The following OSBPL8 variants were observed in gnomAD, a reference collection of about 807,000 sequenced individuals.
OSBPL8 encodes oxysterol-binding protein-related protein 8.
In OSBPL8, 59 loss-of-function variants were observed where a neutral mutation model predicts 125.5. The observed-to-expected ratio is 0.47, with a 90% confidence interval of 0.38 to 0.58. OSBPL8 has a LOEUF of 0.58. Among genes scored for constraint, OSBPL8 ranks in the 20% least tolerant of loss-of-function variants. OSBPL8 has a pLI of 0.00. For synonymous variants in OSBPL8, 330 were observed against 338.9 expected (o/e 0.97, Z 0.29); for missense variants, 758 against 1,047.8 (o/e 0.72, Z 3.82).
chr12:76,403,211 C>T (rs1270758151), intron 5 of OSBPL8, among the ~76,000 whole-genome samples: 1 of 152,150 alleles, frequency 6.6e-6, no homozygotes, highest in Non-Finnish European at 1.5e-5. Context: ...AATACAAACA[C>T]CTTTAGAAAC....
chr12:76,535,870 A>G (rs1308695330), intron 1 of OSBPL8, among the ~76,000 whole-genome samples: 1 of 152,088 alleles, frequency 6.6e-6, no homozygotes, highest in African/African-American at 2.4e-5. Flanking sequence ...TCTGACATAG[A>G]GTAGGAAAGG....
intron 3 of OSBPL8, among the ~76,000 whole-genome samples, chr12:76,451,885 G>C (rs1458795817): frequency 6.6e-6 from 1 of 152,102 alleles, no homozygotes. Context: ...TTGGGAAGTC[G>C]AGGTAGGTGG....
At chr12:76,536,312 C>T (rs1950496039) in intron 1 of OSBPL8, among the ~76,000 whole-genome samples, 1 of 151,272 alleles carries the variant, frequency 6.6e-6, no homozygotes, top group Non-Finnish European at 1.5e-5. Flanking sequence ...CATGGTGAAA[C>T]TAAAAATACC....
chr12:76,492,185 T>C (rs1443601923), intron 1 of OSBPL8, among the ~76,000 whole-genome samples: 1 of 152,096 alleles, frequency 6.6e-6, no homozygotes, highest in Non-Finnish European at 1.5e-5. Flanking sequence ...GTAGGTGTCA[T>C]TGAAAAGGTG....
At chr12:76,520,113 A>T (rs1881927847) in intron 1 of OSBPL8, among the ~76,000 whole-genome samples, 1 of 152,186 alleles carries the variant, frequency 6.6e-6, no homozygotes, top group South Asian at 2.1e-4. Flanking sequence ...ACAAAACCCA[A>T]AATAATGGTA....
chr12:76,358,210 C>T (rs1952061547), intron 22 of OSBPL8, among the ~76,000 whole-genome samples: 1 of 121,548 alleles, frequency 8.2e-6, no homozygotes, highest in Non-Finnish European at 1.6e-5. Context: ...GACAGGGTCT[C>T]ACTTTGTCAC....
At chr12:76,383,511 G>A (rs1042528770) in intron 15 of OSBPL8, among the ~76,000 whole-genome samples, 1 of 152,012 alleles carries the variant, frequency 6.6e-6, no homozygotes, top group African/African-American at 2.4e-5. Context: ...AGATATCCCT[G>A]TTGCAGACTG....
chr12:76,351,800 G>A lies in OSBPL8; in HGVS notation c.*4089C>T, dbSNP rs574655581. 6.6e-6 allele frequency: 1 copy of A among 152,232 alleles called. No homozygotes were observed. The highest frequency in any genetic ancestry group is 2.4e-5 in the African/African-American group (1 of 41,556). The allele number at this position is 152,232 out of a possible 1,614,324, so 9.4% of individuals were successfully genotyped here. ...ATTAAAAGTCACTTGATCACCGTTT[G>A]CTCTTTTTAAAAATTTTATTTAGAA... On this transcript the variant is annotated 3_prime_UTR_variant, in exon 24 of 24. Transcript: ENST00000261183.
chr12:76,378,602 AAAAC>A (rs751255518), intron 15 of OSBPL8, 52 bp from the exon 16 acceptor site: 2 of 1,264,566 alleles, frequency 1.6e-6, no homozygotes, highest in Admixed American at 2.0e-5. Context: ...CAACCAATTC[AAAAC>A]AAACAAAATA....
intron 4 of OSBPL8, among the ~76,000 whole-genome samples, chr12:76,424,703 A>G (rs1243904376): frequency 6.6e-6 from 1 of 152,188 alleles, no homozygotes; most frequent in South Asian, 2.1e-4. Flanking sequence ...CTGATATTAT[A>G]GGATTGTTAT....
chr12:76,481,335 T>C (rs567687878), intron 2 of OSBPL8, among the ~76,000 whole-genome samples: 2 of 152,314 alleles, frequency 1.3e-5, no homozygotes, highest in Non-Finnish European at 2.9e-5. Context: ...GGATTAGTAA[T>C]TGGCATATGG....
chr12:76,433,315 A>G (rs1003723268), intron 4 of OSBPL8, among the ~76,000 whole-genome samples: 12 of 152,296 alleles, frequency 7.9e-5, no homozygotes, highest in African/African-American at 2.9e-4. Context: ...ATAATCATAC[A>G]CGTAGAAAAC....
rs145293324 is a variant in OSBPL8 at position 76,439,143 on chromosome 12, G to A, written c.217+11708C>T. Among the ~76,000 whole-genome samples, 15 of 152,314 alleles carry A rather than the reference G, an allele frequency of 9.8e-5. No individual in the cohort carries two copies. The East Asian group carries it at 2.9e-3, about 29-fold the overall frequency. On this transcript the variant is annotated intron_variant, in intron 4 of 23. Coordinates refer to ENST00000261183, the MANE Select transcript of OSBPL8 (RefSeq NM_020841.5). ...CGCCTGTAATCCTAGCACTTTGGGA[G>A]GCCGAGGTGTGCAGATCACGAGGTC...
Position 76,378,478 on chromosome 12 carries a change from A to G in OSBPL8, c.1703T>C (p.Met568Thr). 2.5e-6 allele frequency: 4 copies of G among 1,599,898 alleles called. No individual in the cohort carries two copies. The highest frequency in any genetic ancestry group is 3.4e-6 in the Non-Finnish European group (4 of 1,168,786). ...TTTACAATGAGCGTATGGCATTGTC[A>G]TTACATAATCTTCACCTCTATTCAA... is the stretch of plus-strand genomic sequence containing the variant. ...TFLNRGEDYV[M>T]TMPYAHCKGI... The change falls in exon 16 of 24, where the codon ATG becomes ACG. Residue 568 changes from methionine to threonine, a missense_variant. Met to Thr is a moderately conservative substitution (Grantham distance 81). Transcript: ENST00000261183.
rs147796619 is a variant in OSBPL8 at position 76,467,721 on chromosome 12, A to C, written c.43-7826T>G. 3.4e-4 allele frequency among the ~76,000 whole-genome samples: 52 copies of C among 151,870 alleles called. 1 individual carries two copies. The East Asian group carries it at 6.4e-3, about 19-fold the overall frequency. ...TCAGACCCACATCACCTCATGTGTC[A>C]ACTTCTGCATCTCCCTTTTGGTAGA... On this transcript the variant is annotated intron_variant, in intron 2 of 23. Transcript: ENST00000261183.
At chr12:76,400,129 C>A (rs932473991) in intron 6 of OSBPL8, among the ~76,000 whole-genome samples, 155 bp from the exon 7 acceptor site, 8 of 152,024 alleles carry the variant, frequency 5.3e-5, no homozygotes, top group Admixed American at 1.3e-4. Context: ...AAGCCTAGTA[C>A]CCATTAGTTA....
In OSBPL8 at chr12:76,353,635, C is replaced by G. The variant is rs1292797364; in HGVS notation, c.*2254G>C. 2.0e-5 allele frequency: 3 copies of G among 152,254 alleles called. No homozygotes were observed. The highest frequency in any genetic ancestry group is 7.2e-5 in the African/African-American group (3 of 41,404). The allele number at this position is 152,254 out of a possible 1,614,324, so 9.4% of individuals were successfully genotyped here. A position where few individuals can be genotyped will look rare whatever the true frequency, so the allele number is the denominator to read the frequency against. On this transcript the variant is annotated 3_prime_UTR_variant, in exon 24 of 24. Coordinates refer to ENST00000261183, the MANE Select transcript of OSBPL8 (RefSeq NM_020841.5). ...TGTTATAAAGATTCATATAACTAAG[C>G]CTAGTACAAGCACTGATCTAAAATT...
At position 76,375,415 on chromosome 12, in the gene OSBPL8, A is replaced by G. The variant is rs775904057; in HGVS notation, c.1730-45T>C. The G allele has an allele frequency of 3.1e-6, 4 of 1,307,912 alleles. No individual in the cohort carries two copies. In the South Asian group the frequency reaches 4.8e-5, roughly 16 times the overall value. The allele number at this position is 1,307,912 out of a possible 1,614,324, so 81.0% of individuals were successfully genotyped here. ...CAAAAAATTGAAAAGAGTATAGTAT[A>G]GTATATGGCTCACGATAAACAGTTT... On this transcript the variant is annotated intron_variant, in intron 16 of 23. Coordinates refer to ENST00000261183, the MANE Select transcript of OSBPL8 (RefSeq NM_020841.5).
rs370274182 is a variant in OSBPL8, at chr12:76,376,309, G to A, written c.1730-939C>T. ...TCTGCTGTTGGTCTAAGATGCTAAG[G>A]CAGCCTTTAACATGCAATGTACAAT... On this transcript the variant is annotated intron_variant, in intron 16 of 23. Coordinates refer to ENST00000261183, the MANE Select transcript of OSBPL8 (RefSeq NM_020841.5). 7.2e-5 allele frequency among the ~76,000 whole-genome samples: 11 copies of A among 152,312 alleles called. No homozygotes were observed. In the East Asian group the frequency reaches 9.6e-4, roughly 13 times the overall value.
Sources: gnomAD v4.1 joint callset for allele counts (sites outside exome capture counted in the v4.1 genomes callset) on GRCh38, gnomAD v4.1.1 for gene constraint, MANE v1.5 for transcripts, NCBI Gene and HGNC (gene_info 2026-07-23, HGNC 2026-07-21) for gene names.